The following PHF20 variants were observed in gnomAD, a reference collection of about 807,000 sequenced individuals.
The protein encoded by PHF20 is glioma-expressed antigen 2.
Under a neutral mutation model 113.5 loss-of-function variants are expected in PHF20, and 23 were observed. The observed-to-expected ratio is 0.20, with a 90% CI of 0.15 to 0.29. The LOEUF (loss-of-function observed/expected upper bound fraction) is 0.29. PHF20 is among the 10% of genes least tolerant of loss of function. The pLI, the probability that PHF20 is intolerant of heterozygous loss-of-function variation, is 1.00. For missense variants in PHF20, 943 were observed against 1,219.6 expected, an observed-to-expected ratio of 0.77 and a Z score of 3.38; for synonymous variants, 434 against 457.3, an observed-to-expected ratio of 0.95 and a Z score of 0.65.
intron 8 of PHF20, 115 bp downstream of exon 8, chr20:35,871,249 A>G (rs947026562): frequency 3.6e-6 from 3 of 837,424 alleles, no homozygotes; most frequent in African/African-American, 3.4e-5. Flanking sequence ...AAATCAAACT[A>G]TTGAATGTGC....
In PHF20 at chr20:35,801,694, G is replaced by A. The variant is rs559089092; in HGVS notation, c.83+89G>A. The A allele has an allele frequency of 1.1e-5, 9 of 782,770 alleles. No individual in the cohort carries two copies. In the Admixed American group the frequency reaches 1.7e-4, roughly 15 times the overall value. 48.5% of individuals were successfully genotyped at this position (782,770 alleles called of 1,614,324 possible). A position where few individuals can be genotyped will look rare whatever the true frequency, so the allele number is the denominator to read the frequency against. ...AGTGGTAGCTTAGGCTTTTTTTGTG[G>A]TGTTTTTCTACTTCCTGACTCTTGG... On this transcript the variant is annotated intron_variant, in intron 2 of 17. Coordinates refer to ENST00000374012, the MANE Select transcript of PHF20 (RefSeq NM_016436.5).
intron 6 of PHF20, 52 bp from the exon 7 acceptor site, chr20:35,869,386 A>T: frequency 1.1e-6 from 1 of 875,580 alleles, no homozygotes; most frequent in South Asian, 1.5e-5. Context: ...TAAAAATGAC[A>T]GACACTAAGA....
At chr20:35,901,770 CTAAATAA>C (rs1469096960) in intron 10 of PHF20, among the ~76,000 whole-genome samples, 11 of 152,134 alleles carry the variant, frequency 7.2e-5, no homozygotes, top group African/African-American at 2.7e-4. Context: ...CACTCTCTTG[CTAAATAA>C]TATGTAAGGA....
chr20:35,868,217 C>T (rs59378442), intron 6 of PHF20, among the ~76,000 whole-genome samples: 11,563 of 151,914 alleles, frequency 0.076, 675 homozygotes, highest in South Asian at 0.2. Context: ...CACTTGAACC[C>T]GGGAGGCAGA....
At chr20:35,810,268 T>G (rs2146881390) in intron 2 of PHF20, among the ~76,000 whole-genome samples, 1 of 152,262 alleles carries the variant, frequency 6.6e-6, no homozygotes, top group Non-Finnish European at 1.5e-5. Flanking sequence ...AAGCTACAAG[T>G]CCTGGGTAAA....
chr20:35,780,526 C>T (rs1335428811), intron 1 of PHF20, among the ~76,000 whole-genome samples: 1 of 145,408 alleles, frequency 6.9e-6, no homozygotes, highest in Non-Finnish European at 1.5e-5. Flanking sequence ...ATGCCTGGCT[C>T]ATTCTTTTTT....
intron 2 of PHF20, among the ~76,000 whole-genome samples, chr20:35,821,430 T>C (rs2042166395): frequency 7.1e-6 from 1 of 140,746 alleles, no homozygotes; most frequent in Non-Finnish European, 1.5e-5. Flanking sequence ...AGCGAAACTC[T>C]GTCAAAAAAA....
intron 1 of PHF20, among the ~76,000 whole-genome samples, chr20:35,794,810 C>G (rs1331398255): frequency 2.0e-5 from 3 of 152,174 alleles, no homozygotes; most frequent in South Asian, 2.1e-4. Context: ...GAGGGCAAGA[C>G]TTCCAGTTAC....
At chr20:35,840,656 A>C (rs543617357) in intron 2 of PHF20, among the ~76,000 whole-genome samples, 3 of 152,150 alleles carry the variant, frequency 2.0e-5, no homozygotes, top group Non-Finnish European at 4.4e-5. Context: ...GCAGACCAGC[A>C]GCAGCAGCAG....
chr20:35,788,216 C>T (rs1056734728), intron 1 of PHF20, among the ~76,000 whole-genome samples: 2 of 151,912 alleles, frequency 1.3e-5, no homozygotes, highest in Non-Finnish European at 2.9e-5. Flanking sequence ...CCTGCCTCAG[C>T]CTCCTGAGTA....
At chr20:35,801,656 C>A in intron 2 of PHF20, 51 bp downstream of exon 2, 1 of 1,240,882 alleles carries the variant, frequency 8.1e-7, no homozygotes, top group Non-Finnish European at 1.2e-6. Flanking sequence ...AGGATTTTTG[C>A]CAGCACTGAT....
chr20:35,773,986 T>C (rs2041119093), intron 1 of PHF20, among the ~76,000 whole-genome samples: 1 of 152,086 alleles, frequency 6.6e-6, no homozygotes, highest in Non-Finnish European at 1.5e-5. Context: ...AGAAAAGATG[T>C]CGTTTGGAGG....
At chr20:35,915,637 G>T (rs1255236406) in intron 12 of PHF20, among the ~76,000 whole-genome samples, 1 of 151,888 alleles carries the variant, frequency 6.6e-6, no homozygotes, top group Non-Finnish European at 1.5e-5. Context: ...CACCCACTTC[G>T]ACCTCCCAAA....
chr20:35,949,551 AAAGG>A lies in PHF20; in HGVS notation c.*1928_*1931del, dbSNP rs2056141629. The A allele has an allele frequency of 6.6e-6, 1 of 152,638 alleles. No individual in the cohort carries two copies. The highest frequency in any genetic ancestry group is 1.5e-5 in the Non-Finnish European group (1 of 68,040). The allele number at this position is 152,638 out of a possible 1,614,324, so 9.5% of individuals were successfully genotyped here. A position where few individuals can be genotyped will look rare whatever the true frequency, so the allele number is the denominator to read the frequency against. On this transcript the variant is annotated 3_prime_UTR_variant, in exon 18 of 18. Coordinates refer to ENST00000374012, the MANE Select transcript of PHF20 (RefSeq NM_016436.5). The stretch of plus-strand genomic sequence containing the variant: ...TGGGATTATTGTTTAAATTTTTGGT[AAAGG>A]AAGTAATCTCCTTTCATTCATTGTG...
intron 1 of PHF20, among the ~76,000 whole-genome samples, chr20:35,773,427 G>A (rs535095330): frequency 6.6e-6 from 1 of 152,092 alleles, no homozygotes; most frequent in Non-Finnish European, 1.5e-5. Context: ...TGGCGAGTGC[G>A]TATCTTTGTT....
Position 35,913,275 on chromosome 20 carries a change from G to T in PHF20, c.1588G>T (p.Glu530Ter). ...TACAAAAGACAAGGAAAAGAATAAA[G>T]AGAAGAAATTCAAGGAGTTTGTGAG... Reference protein sequence around the residue: ...PTTKDKEKNKEKKFKEFVRVK... With the variant: ...PTTKDKEKNK The change falls in exon 11 of 18, where the codon GAG becomes TAG. Residue 530 changes from glutamate (E) to a stop codon, truncating the protein, a stop_gained. Coordinates refer to ENST00000374012, the MANE Select transcript of PHF20 (RefSeq NM_016436.5). LOFTEE classifies it high-confidence loss of function. 2 of 1,601,612 alleles carry T rather than the reference G, an allele frequency of 1.2e-6. No homozygotes were observed. Among genetic ancestry groups the T allele is most frequent in the South Asian group, 2.2e-5 (2 of 89,284 alleles).
Position 35,938,694 on chromosome 20 carries a change from C to A in PHF20, c.2301-3C>A. The stretch of plus-strand genomic sequence containing the variant: ...GCCCATGTCCTCTTTGTCCTCTCAA[C>A]AGAAGCCGGGAGCATCCTGATCTGC... On this transcript the variant is annotated splice_polypyrimidine_tract_variant and splice_region_variant and intron_variant, in intron 15 of 17. Transcript: ENST00000374012. 6.3e-7 allele frequency: 1 copy of A among 1,598,324 alleles called. No individual in the cohort carries two copies. The highest frequency in any genetic ancestry group is 8.5e-7 in the Non-Finnish European group (1 of 1,172,934).
At chr20:35,894,715 C>G (rs1193023793) in intron 9 of PHF20, among the ~76,000 whole-genome samples, 1 of 152,230 alleles carries the variant, frequency 6.6e-6, no homozygotes, top group African/African-American at 2.4e-5. Flanking sequence ...CGTCTCCATC[C>G]TGCACATGAG....
chr20:35,796,612 G>A (rs755982782), intron 1 of PHF20, among the ~76,000 whole-genome samples: 1 of 152,092 alleles, frequency 6.6e-6, no homozygotes, highest in African/African-American at 2.4e-5. Flanking sequence ...TAAAAAATTA[G>A]GTATTTCTGC....
Sources: gnomAD v4.1 joint callset for allele counts (sites outside exome capture counted in the v4.1 genomes callset) on GRCh38, gnomAD v4.1.1 for gene constraint, MANE v1.5 for transcripts, NCBI Gene and HGNC (gene_info 2026-07-23, HGNC 2026-07-21) for gene names.